CENPI: variants seen among roughly 807,000 people sequenced by gnomAD.
CENPI encodes FSH primary response 1.
In CENPI, 4 loss-of-function variants were observed where a neutral mutation model predicts 60.4. That is an observed-to-expected ratio of 0.07 (90% CI 0.03 to 0.15). The LOEUF (loss-of-function observed/expected upper bound fraction) is 0.15. Ranked by LOEUF, CENPI falls within the 10% of genes least tolerant of loss-of-function variation. The pLI, the probability that CENPI is intolerant of heterozygous loss-of-function variation, is 1.00. For missense variants in CENPI, 444 were observed against 534.5 expected, an observed-to-expected ratio of 0.83 and a Z score of 1.67; for synonymous variants, 157 against 189.4, an observed-to-expected ratio of 0.83 and a Z score of 1.40.
At chrX:101,171,337 AT>A in the CENPI span, among the ~76,000 whole-genome samples, 1 of 112,389 alleles carries the variant, frequency 8.9e-6, no homozygotes, top group South Asian at 3.7e-4. Flanking sequence ...ATAGTATTTC[AT>A]TATGGTACTG....
At chrX:101,105,242 G>A (rs1376309295) in intron 4 of CENPI, among the ~76,000 whole-genome samples, 2 of 111,463 alleles carry the variant, frequency 1.8e-5, no homozygotes, top group Non-Finnish European at 3.8e-5. Flanking sequence ...TATGGAGTAG[G>A]GGCCGGGTGC....
intron 20 of CENPI, among the ~76,000 whole-genome samples, chrX:101,150,596 C>G (rs2089998931): frequency 9.0e-6 from 1 of 110,580 alleles, no homozygotes; most frequent in Admixed American, 9.7e-5. Context: ...TCTCAAACTC[C>G]TGAGTTCAAG....
intron 6 of CENPI, among the ~76,000 whole-genome samples, chrX:101,116,553 T>C (rs942536783): frequency 9.0e-6 from 1 of 111,718 alleles, no homozygotes; most frequent in African/African-American, 3.2e-5. Flanking sequence ...GGGATGACTA[T>C]ATCTAATTTT....
chrX:101,176,716 C>G, the CENPI span, among the ~76,000 whole-genome samples: 3 of 112,744 alleles, frequency 2.7e-5, no homozygotes, highest in South Asian at 3.6e-4. Context: ...TTCTTCAGTT[C>G]AACGATGCCT....
intron 2 of CENPI, among the ~76,000 whole-genome samples, chrX:101,099,320 T>A (rs2089383789): frequency 9.2e-6 from 1 of 108,396 alleles, no homozygotes; most frequent in Non-Finnish European, 1.9e-5. Context: ...TCCACCTACT[T>A]GGGAGGCTGA....
intron 6 of CENPI, among the ~76,000 whole-genome samples, chrX:101,117,434 A>G (rs905338156): frequency 1.8e-5 from 2 of 111,885 alleles, no homozygotes; most frequent in African/African-American, 3.2e-5. Context: ...TCTTGACCTC[A>G]GGTAATCTGC....
At chrX:101,171,257 C>T in the CENPI span, among the ~76,000 whole-genome samples, 1 of 110,067 alleles carries the variant, frequency 9.1e-6, no homozygotes, top group African/African-American at 3.3e-5. Flanking sequence ...GAAGAATAGT[C>T]CCCCATTGTA....
At position 101,163,330 on chromosome X, in the gene CENPI, C is replaced by T. The variant is rs765503598; in HGVS notation, c.*363C>T. ...TATGTGGTGACAGTTAACTCACAGA[C>T]ATAAACATGCAAAATACTTTGCTGT... is the stretch of plus-strand genomic sequence containing the variant. On this transcript the variant is annotated 3_prime_UTR_variant, in exon 22 of 22. Coordinates refer to ENST00000682095, the MANE Select transcript of CENPI (RefSeq NM_001386188.2). 20 of 158,318 alleles carry T rather than the reference C, an allele frequency of 1.3e-4. No homozygotes were observed. Among genetic ancestry groups the T allele is most frequent in the African/African-American group, 5.7e-4 (18 of 31,321 alleles). The allele number at this position is 158,318 out of a possible 1,213,427, so 13.0% of individuals were successfully genotyped here. A position where few individuals can be genotyped will look rare whatever the true frequency, so the allele number is the denominator to read the frequency against.
At chrX:101,134,179 G>A (rs781288900) in intron 15 of CENPI, among the ~76,000 whole-genome samples, 1 of 111,091 alleles carries the variant, frequency 9.0e-6, no homozygotes, top group South Asian at 3.8e-4. Flanking sequence ...GATTCCAGAA[G>A]AAATATGAAG....
At chrX:101,162,760 G>A in intron 21 of CENPI, 73 bp from the exon 22 acceptor site, 1 of 1,105,554 alleles carries the variant, frequency 9.0e-7, no homozygotes, top group Non-Finnish European at 1.2e-6. Context: ...CTCTTCCTAG[G>A]GAAAGAGGAG....
At position 101,163,215 on chromosome X, in the gene CENPI, A is replaced by T. The variant is rs3810708; in HGVS notation, c.*248A>T. ...ATCATCAGGCTCTGCGTTCTACCAAATTGTATGTAAAAAGACACATCTGTT... is the reference window on the plus strand; with the variant it reads ...ATCATCAGGCTCTGCGTTCTACCAATTTGTATGTAAAAAGACACATCTGTT... On this transcript the variant is annotated 3_prime_UTR_variant, in exon 22 of 22. Transcript: ENST00000682095. The T allele has an allele frequency of 0.24, 70,995 of 295,415 alleles. 6,034 individuals carry two copies. Among genetic ancestry groups the T allele is most frequent in the South Asian group, 0.34 (5,695 of 16,600 alleles). The allele number at this position is 295,415 out of a possible 1,213,427, so 24.3% of individuals were successfully genotyped here.
intron 20 of CENPI, among the ~76,000 whole-genome samples, chrX:101,152,582 T>C (rs1456324923): frequency 9.1e-6 from 1 of 110,048 alleles, no homozygotes; most frequent in Non-Finnish European, 1.9e-5. Flanking sequence ...TTTGTATTTT[T>C]AGTAGAGACA....
intron 4 of CENPI, among the ~76,000 whole-genome samples, chrX:101,104,973 GGT>G (rs2089466114): frequency 9.0e-6 from 1 of 111,302 alleles, no homozygotes; most frequent in Non-Finnish European, 1.9e-5. Context: ...TACTTGCAGG[GGT>G]GTGTGTGTAT....
chrX:101,113,211 C>T (rs1412160536), intron 6 of CENPI, among the ~76,000 whole-genome samples: 2 of 107,868 alleles, frequency 1.9e-5, no homozygotes, highest in East Asian at 5.8e-4. Context: ...CTTTAACTCT[C>T]ATCATACTGC....
rs777033916 is a variant in CENPI, at chrX:101,132,319, G to A, written c.1405+12G>A. The A allele has an allele frequency of 4.2e-6, 5 of 1,188,655 alleles. No individual in the cohort carries two copies. The highest frequency in any genetic ancestry group is 5.7e-6 in the Non-Finnish European group (5 of 875,327). On this transcript the variant is annotated intron_variant, in intron 14 of 21. Transcript: ENST00000682095. ...TAGTAGCTTCTCTGGTATGTATCATGAAAATTTGGAGTCATTTGATTCAAC... is the reference window on the plus strand; with the variant it reads ...TAGTAGCTTCTCTGGTATGTATCATAAAAATTTGGAGTCATTTGATTCAAC...
chrX:101,140,782 C>T (rs1225660687), intron 16 of CENPI, 22 bp downstream of exon 16: 3 of 1,026,005 alleles, frequency 2.9e-6, no homozygotes, highest in Admixed American at 2.2e-5. Flanking sequence ...AACGGTCTTC[C>T]ACAAGAGACG....
chrX:101,114,227 C>G, intron 6 of CENPI, among the ~76,000 whole-genome samples: 1 of 112,081 alleles, frequency 8.9e-6, no homozygotes, highest in Non-Finnish European at 1.9e-5. Flanking sequence ...ACTGCACTTT[C>G]CAGCCTGGGT....
At chrX:101,105,700 A>T (rs182445169) in intron 4 of CENPI, among the ~76,000 whole-genome samples, 119 of 111,258 alleles carry the variant, frequency 1.1e-3, no homozygotes, top group African/African-American at 3.7e-3. Flanking sequence ...TCAGACTCCC[A>T]AGTAGATGGG....
the CENPI span, among the ~76,000 whole-genome samples, chrX:101,178,402 T>C: frequency 6.9e-3 from 357 of 51,975 alleles, 14 homozygotes; most frequent in African/African-American, 0.031. Context: ...CTTCTTCTTT[T>C]TTTTTTTTTT....
Sources: gnomAD v4.1 joint callset for allele counts (sites outside exome capture counted in the v4.1 genomes callset) on GRCh38, gnomAD v4.1.1 for gene constraint, MANE v1.5 for transcripts, NCBI Gene and HGNC (gene_info 2026-07-23, HGNC 2026-07-21) for gene names.